Variants in SCN2A observed in about 807,000 individuals in gnomAD.
SCN2A encodes the protein sodium voltage-gated channel alpha subunit 2.
Under a neutral mutation model 188.7 loss-of-function variants are expected in SCN2A, and 20 were observed. The ratio of observed to expected loss-of-function variants is 0.11; its 90% CI spans 0.07 to 0.15. SCN2A has a LOEUF of 0.15. Ranked by LOEUF, SCN2A falls within the 10% of genes least tolerant of loss-of-function variation. SCN2A has a pLI of 1.00. For missense variants in SCN2A, 1,278 were observed against 2,445.0 expected (o/e 0.52, Z 10.07); for synonymous variants, 804 against 833.1 (o/e 0.97, Z 0.60).
intron 1 of SCN2A, among the ~76,000 whole-genome samples, chr2:165,240,853 T>C (rs1386279475): frequency 5.3e-5 from 8 of 152,304 alleles, no homozygotes; most frequent in Admixed American, 5.2e-4. Flanking sequence ...AACATGTTTT[T>C]TAAATGTGTG....
intron 1 of SCN2A, among the ~76,000 whole-genome samples, chr2:165,282,617 T>C (rs73023719): frequency 1.6e-4 from 25 of 152,246 alleles, no homozygotes; most frequent in African/African-American, 5.1e-4. Flanking sequence ...GGTCTTGCTA[T>C]GTTGCTCAGG....
rs532327155 is a variant in SCN2A, at chr2:165,329,946, A to G, written c.2150-1384A>G. On this transcript the variant is annotated intron_variant, in intron 13 of 26. Coordinates refer to ENST00000375437, the MANE Select transcript of SCN2A (RefSeq NM_001040142.2). ...TTCAATATCCAAAGAGACAATTGAC[A>G]AATCTATTTTTAGTGGAAATTTTAA... is the stretch of plus-strand genomic sequence containing the variant. Among the ~76,000 whole-genome samples the G allele has an allele frequency of 3.9e-5, 6 of 152,346 alleles. No individual in the cohort carries two copies. The East Asian group carries it at 1.2e-3, about 29-fold the overall frequency.
chr2:165,375,024 T>G (rs1701236643), intron 22 of SCN2A, 58 bp downstream of exon 22: 6 of 1,468,544 alleles, frequency 4.1e-6, no homozygotes, highest in Non-Finnish European at 5.7e-6. Flanking sequence ...CTAAAGTTTT[T>G]CTTCCTCATA....
At chr2:165,310,694 C>T (rs1697378217) in intron 7 of SCN2A, 99 bp downstream of exon 7, 4 of 834,866 alleles carry the variant, frequency 4.8e-6, no homozygotes, top group Non-Finnish European at 7.0e-6. Flanking sequence ...AATCAAGTGA[C>T]TTAGACTAAT....
intron 14 of SCN2A, among the ~76,000 whole-genome samples, chr2:165,335,703 A>G (rs1329537238): frequency 6.6e-6 from 1 of 151,882 alleles, no homozygotes; most frequent in Non-Finnish European, 1.5e-5. Context: ...TTTCTTAGAT[A>G]TGATACCAAA....
At position 165,312,029 on chromosome 2, in the gene SCN2A, CTTT is replaced by C; in HGVS notation, c.977_979del (p.Phe326del). The C allele has an allele frequency of 6.2e-7, 1 of 1,610,414 alleles. No homozygotes were observed. Among genetic ancestry groups the C allele is most frequent in the Non-Finnish European group, 8.5e-7 (1 of 1,177,536 alleles). On this transcript the variant is annotated inframe_deletion, in exon 8 of 27. Transcript: ENST00000375437. Reference sequence around the variant, plus strand: ...TATTCCTTTCTCTTTAAATAGGTCACTTTTATTTTTTAGAGGGGCAAAATGATG... The same window carrying C: ...TATTCCTTTCTCTTTAAATAGGTCACTATTTTTTAGAGGGGCAAAATGATG...
At chr2:165,255,332 ACTAT>A (rs569217124) in intron 1 of SCN2A, among the ~76,000 whole-genome samples, 169 of 152,120 alleles carry the variant, frequency 1.1e-3, no homozygotes, top group African/African-American at 3.5e-3. Flanking sequence ...CATAAATGAA[ACTAT>A]CTATTAACTA....
chr2:165,278,570 A>G (rs1406707139), intron 1 of SCN2A, among the ~76,000 whole-genome samples: 1 of 152,138 alleles, frequency 6.6e-6, no homozygotes, highest in African/African-American at 2.4e-5. Flanking sequence ...TATGGAGATT[A>G]CCATTTAAGA....
intron 3 of SCN2A, among the ~76,000 whole-genome samples, chr2:165,305,375 A>G (rs1376748972): frequency 6.6e-6 from 1 of 152,218 alleles, no homozygotes; most frequent in African/African-American, 2.4e-5. Context: ...AATTCAGAAG[A>G]GCGGTCTCAC....
intron 3 of SCN2A, among the ~76,000 whole-genome samples, chr2:165,301,099 A>G (rs1289559348): frequency 2.0e-5 from 3 of 152,224 alleles, no homozygotes; most frequent in Admixed American, 6.5e-5. Context: ...GATTCCAAGC[A>G]TTTAGTCTGG....
chr2:165,299,986 A>T (rs1161817442), intron 3 of SCN2A, among the ~76,000 whole-genome samples: 2 of 152,206 alleles, frequency 1.3e-5, no homozygotes, highest in African/African-American at 4.8e-5. Flanking sequence ...TAGCTTTTTT[A>T]AAAATTTATT....
intron 20 of SCN2A, chr2:165,370,643 C>A (rs1460394674): frequency 1.1e-5 from 3 of 271,788 alleles, no homozygotes; most frequent in East Asian, 1.7e-4. Flanking sequence ...TCACAGGCAT[C>A]TTTGACATTA....
chr2:165,308,696 A>G lies in SCN2A; in HGVS notation c.507A>G (p.Glu169=), dbSNP rs766622052. The G allele has an allele frequency of 6.2e-7, 1 of 1,612,362 alleles. No individual in the cohort carries two copies. Among genetic ancestry groups the G allele is most frequent in the Non-Finnish European group, 8.5e-7 (1 of 1,178,704 alleles). Residue 169 remains glutamate (E), a synonymous_variant, in exon 5 of 27, where the codon GAA becomes GAG. Coordinates refer to ENST00000375437, the MANE Select transcript of SCN2A (RefSeq NM_001040142.2). The part of the protein sequence containing the change: ...EYTFTGIYTF[E]SLIKILARGF... ...CCTTTACAGGAATTTATACTTTTGA[A>G]TCACTTATTAAAATACTTGCAAGGG...
intron 22 of SCN2A, among the ~76,000 whole-genome samples, chr2:165,375,994 A>G (rs1297616176): frequency 6.6e-6 from 1 of 151,954 alleles, no homozygotes; most frequent in Non-Finnish European, 1.5e-5. Flanking sequence ...TATGGAATCT[A>G]AAAAACACAA....
chr2:165,342,262 T>C, intron 14 of SCN2A, 34 bp from the exon 15 acceptor site: 1 of 1,570,660 alleles, frequency 6.4e-7, no homozygotes, highest in Non-Finnish European at 8.8e-7. Context: ...TTCAAGAGTA[T>C]TTGCTCATAT....
intron 1 of SCN2A, among the ~76,000 whole-genome samples, chr2:165,294,594 AC>A (rs111503921): frequency 0.17 from 26,504 of 152,086 alleles, 2,490 homozygotes; most frequent in South Asian, 0.27. Flanking sequence ...TATTTAAATG[AC>A]AACTCTGACT....
At chr2:165,255,692 A>T (rs939506816) in intron 1 of SCN2A, among the ~76,000 whole-genome samples, 10 of 152,094 alleles carry the variant, frequency 6.6e-5, no homozygotes, top group African/African-American at 1.9e-4. Context: ...TCTTAGAGTC[A>T]CCTCTTCATG....
intron 3 of SCN2A, among the ~76,000 whole-genome samples, chr2:165,299,450 A>G (rs1053275002): frequency 3.3e-4 from 50 of 152,314 alleles, no homozygotes; most frequent in Middle Eastern, 3.4e-3. Context: ...TAGAGTCACA[A>G]ATTTATTCCA....
At chr2:165,266,238 A>G (rs548071516) in intron 1 of SCN2A, among the ~76,000 whole-genome samples, 131 of 152,204 alleles carry the variant, frequency 8.6e-4, no homozygotes, top group African/African-American at 2.9e-3. Flanking sequence ...ACTCAGAAGT[A>G]TCTATTCACC....
Sources: gnomAD v4.1 joint callset for allele counts (sites outside exome capture counted in the v4.1 genomes callset) on GRCh38, gnomAD v4.1.1 for gene constraint, MANE v1.5 for transcripts, NCBI Gene and HGNC (gene_info 2026-07-23, HGNC 2026-07-21) for gene names.